FRAS1: variants seen among roughly 807,000 people sequenced by gnomAD.
The protein encoded by FRAS1 is Fraser extracellular matrix complex subunit 1.
A neutral mutation model predicts 435.2 loss-of-function variants in FRAS1; 290 were observed. That is an observed-to-expected ratio of 0.67 (90% CI 0.61 to 0.73). FRAS1 has a LOEUF of 0.73. Ranked by LOEUF, FRAS1 falls within the 30% of genes least tolerant of loss-of-function variation. The pLI, the probability that FRAS1 is intolerant of heterozygous loss-of-function variation, is 0.00. For missense variants in FRAS1, 4,860 were observed against 5,001.5 expected (o/e 0.97, Z 0.85); for synonymous variants, 1,800 against 1,851.0 (o/e 0.97, Z 0.71).
chr4:78,528,844 A>G (rs570275549), intron 70 of FRAS1, among the ~76,000 whole-genome samples: 1 of 152,308 alleles, frequency 6.6e-6, no homozygotes, highest in East Asian at 1.9e-4. Flanking sequence ...ACTGTCTTCC[A>G]GCATGTTTGT....
At chr4:78,479,755 T>C (rs757393548) in intron 56 of FRAS1, 37 bp downstream of exon 56, 24 of 1,450,708 alleles carry the variant, frequency 1.7e-5, no homozygotes, top group Admixed American at 4.6e-5. Context: ...TTCACCTGTC[T>C]CCTGATTCCT....
At chr4:78,235,538 G>A (rs1256445802) in intron 2 of FRAS1, among the ~76,000 whole-genome samples, 2 of 152,184 alleles carry the variant, frequency 1.3e-5, no homozygotes, top group African/African-American at 4.8e-5. Flanking sequence ...AAGCAACTTA[G>A]GAACTATGAA....
intron 2 of FRAS1, among the ~76,000 whole-genome samples, chr4:78,202,633 G>A (rs933053093): frequency 2.0e-5 from 3 of 152,232 alleles, no homozygotes; most frequent in Non-Finnish European, 4.4e-5. Flanking sequence ...AGAGGTTGCA[G>A]TGAGCCAAGA....
At chr4:78,391,288 T>C (rs1312005143) in intron 29 of FRAS1, among the ~76,000 whole-genome samples, 1 of 152,218 alleles carries the variant, frequency 6.6e-6, no homozygotes, top group Non-Finnish European at 1.5e-5. Context: ...TCCAGCCTTA[T>C]ACTGAGTTGC....
chr4:78,413,199 G>T, intron 32 of FRAS1, 114 bp downstream of exon 32: 1 of 557,402 alleles, frequency 1.8e-6, no homozygotes, highest in Non-Finnish European at 3.1e-6. Context: ...CCAGATCACA[G>T]ACTTGGGGGC....
chr4:78,448,575 T>TATTTCC (rs1374684490), intron 44 of FRAS1, among the ~76,000 whole-genome samples: 1 of 152,158 alleles, frequency 6.6e-6, no homozygotes, highest in East Asian at 1.9e-4. Flanking sequence ...GAGTTTATAA[T>TATTTCC]ATTTCCAGGG....
intron 2 of FRAS1, among the ~76,000 whole-genome samples, chr4:78,097,564 A>G (rs556779765): frequency 7.3e-4 from 111 of 152,338 alleles, no homozygotes; most frequent in African/African-American, 2.6e-3. Context: ...AGGATGAGCA[A>G]GTCACATCTT....
chr4:78,120,741 G>T lies in FRAS1; in HGVS notation c.108+54725G>T, dbSNP rs566890623. Among the ~76,000 whole-genome samples, 3 of 152,164 alleles carry T rather than the reference G, an allele frequency of 2.0e-5. No individual in the cohort carries two copies. The South Asian group carries it at 6.2e-4, about 31-fold the overall frequency. ...GGGGTCTATCCCATAATGATTCACT[G>T]CCCGTGAATCATAGAGTCTTAGGAC... On this transcript the variant is annotated intron_variant, in intron 2 of 73. Coordinates refer to ENST00000512123, the MANE Select transcript of FRAS1 (RefSeq NM_025074.7).
chr4:78,162,963 G>A (rs563614409), intron 2 of FRAS1, among the ~76,000 whole-genome samples: 1 of 152,168 alleles, frequency 6.6e-6, no homozygotes, highest in Non-Finnish European at 1.5e-5. Flanking sequence ...ACAATTTGTG[G>A]GATGAGCCCG....
chr4:78,114,704 C>T (rs1743017758), intron 2 of FRAS1, among the ~76,000 whole-genome samples: 1 of 152,338 alleles, frequency 6.6e-6, no homozygotes, highest in South Asian at 2.1e-4. Context: ...GCTGAAGTTG[C>T]CTGTCAGCTT....
chr4:78,176,564 TC>T (rs1258152769), intron 2 of FRAS1, among the ~76,000 whole-genome samples: 1 of 152,236 alleles, frequency 6.6e-6, no homozygotes, highest in Non-Finnish European at 1.5e-5. Flanking sequence ...CCTTCTCATT[TC>T]CAGGCGAAAC....
chr4:78,279,044 C>A (rs182570273), intron 10 of FRAS1, among the ~76,000 whole-genome samples: 2 of 152,268 alleles, frequency 1.3e-5, no homozygotes, highest in East Asian at 3.9e-4. Flanking sequence ...TGCAAGTGGG[C>A]TAGACAGTAG....
intron 69 of FRAS1, among the ~76,000 whole-genome samples, chr4:78,523,444 T>C (rs1053585717): frequency 6.6e-6 from 1 of 152,120 alleles, no homozygotes; most frequent in African/African-American, 2.4e-5. Context: ...GAATAGGAAT[T>C]TAACAACTAT....
At chr4:78,367,066 G>A (rs1731299151) in intron 22 of FRAS1, among the ~76,000 whole-genome samples, 1 of 152,142 alleles carries the variant, frequency 6.6e-6, no homozygotes, top group Non-Finnish European at 1.5e-5. Flanking sequence ...GTGAGTGAAG[G>A]TGCTGAGGTA....
intron 20 of FRAS1, among the ~76,000 whole-genome samples, chr4:78,346,723 T>G (rs559355132): frequency 6.6e-6 from 1 of 152,214 alleles, no homozygotes; most frequent in African/African-American, 2.4e-5. Flanking sequence ...AAACCTCATC[T>G]TTTCTCCTCA....
intron 2 of FRAS1, among the ~76,000 whole-genome samples, chr4:78,142,816 T>G (rs2110000461): frequency 6.6e-6 from 1 of 152,282 alleles, no homozygotes; most frequent in East Asian, 1.9e-4. Context: ...TGGATTTATA[T>G]TAGTCAAAGA....
At chr4:78,520,655 T>C (rs1409782536) in intron 67 of FRAS1, among the ~76,000 whole-genome samples, 1 of 152,234 alleles carries the variant, frequency 6.6e-6, no homozygotes, top group Non-Finnish European at 1.5e-5. Context: ...TAAATAGTTG[T>C]TATGCTATAT....
At chr4:78,534,220 C>T (rs1189200859) in intron 70 of FRAS1, among the ~76,000 whole-genome samples, 1 of 152,026 alleles carries the variant, frequency 6.6e-6, no homozygotes, top group African/African-American at 2.4e-5. Flanking sequence ...TACCAAAGAG[C>T]CTAAAGAGTA....
chr4:78,115,699 A>G (rs906707756), intron 2 of FRAS1, among the ~76,000 whole-genome samples: 4 of 151,756 alleles, frequency 2.6e-5, no homozygotes, highest in African/African-American at 7.2e-5. Flanking sequence ...TTTTTATTGC[A>G]TCTATTTGAT....
Sources: gnomAD v4.1 joint callset for allele counts (sites outside exome capture counted in the v4.1 genomes callset) on GRCh38, gnomAD v4.1.1 for gene constraint, MANE v1.5 for transcripts, NCBI Gene and HGNC (gene_info 2026-07-23, HGNC 2026-07-21) for gene names.